The following PUDP variants were observed in gnomAD, a reference collection of about 807,000 sequenced individuals.
PUDP encodes the protein pseudouridine-5'-phosphatase.
A neutral mutation model predicts 9.4 loss-of-function variants in PUDP; 8 were observed. The ratio of observed to expected loss-of-function variants is 0.85; its 90% CI spans 0.50 to 1.53. The LOEUF (loss-of-function observed/expected upper bound fraction) is 1.53, where lower values mean the gene tolerates loss of function less well. Among genes scored for constraint, PUDP ranks in the 40% most tolerant of loss-of-function variants. The probability of loss-of-function intolerance (pLI) is 0.00; values close to 1 mark genes in which losing one functional copy is unlikely to be tolerated. For synonymous variants in PUDP, 99 were observed against 80.7 expected (o/e 1.23, Z -1.22); for missense variants, 188 against 189.7 (o/e 0.99, Z 0.05).
At chrX:6,707,819 T>C (rs1001210625) in intron 1 of PUDP, among the ~76,000 whole-genome samples, 1 of 112,140 alleles carries the variant, frequency 8.9e-6, no homozygotes, top group Non-Finnish European at 1.9e-5. Context: ...ACAGGATGGA[T>C]TGCAACAGAG....
intron 3 of PUDP, among the ~76,000 whole-genome samples, chrX:6,885,238 C>T (rs1927404840): frequency 8.9e-6 from 1 of 111,862 alleles, no homozygotes; most frequent in Admixed American, 9.5e-5. Context: ...AGGTGCTGGG[C>T]AGCTGCTGTC....
At chrX:6,925,435 T>A (rs1313613469) in intron 3 of PUDP, among the ~76,000 whole-genome samples, 1 of 111,926 alleles carries the variant, frequency 8.9e-6, no homozygotes, top group Non-Finnish European at 1.9e-5. Flanking sequence ...GTGACAGGGT[T>A]TGGTTTTTGA....
chrX:6,751,667 G>A (rs6639662), intron 3 of PUDP, among the ~76,000 whole-genome samples: 43,828 of 110,394 alleles, frequency 0.4, 7,815 homozygotes, highest in African/African-American at 0.7. Context: ...TTTAAGAGAC[G>A]TCAGAAATAT....
chrX:6,761,133 T>C (rs776696941), intron 3 of PUDP, among the ~76,000 whole-genome samples: 61 of 112,214 alleles, frequency 5.4e-4, no homozygotes, highest in Non-Finnish European at 9.6e-4. Flanking sequence ...TTCAATGAGA[T>C]AGGGCATGTC....
At chrX:6,909,711 T>G (rs1173894046) in intron 3 of PUDP, among the ~76,000 whole-genome samples, 1 of 111,730 alleles carries the variant, frequency 9.0e-6, no homozygotes, top group African/African-American at 3.3e-5. Flanking sequence ...ATCCTCTGCC[T>G]TTGCATAGGA....
chrX:6,867,452 T>A (rs1927104318), intron 3 of PUDP, among the ~76,000 whole-genome samples: 1 of 110,349 alleles, frequency 9.1e-6, no homozygotes, highest in South Asian at 3.9e-4. Context: ...ATGGCAGTGA[T>A]AGTAGTGATA....
At chrX:7,082,270 C>T (rs1405723325) in intron 2 of PUDP, among the ~76,000 whole-genome samples, 3 of 112,154 alleles carry the variant, frequency 2.7e-5, no homozygotes, top group Non-Finnish European at 3.8e-5. Context: ...ATCCTAGAGA[C>T]CCAAGGTGGG....
At chrX:7,093,099 T>C (rs1298306232) in intron 2 of PUDP, among the ~76,000 whole-genome samples, 1 of 112,346 alleles carries the variant, frequency 8.9e-6, no homozygotes, top group African/African-American at 3.2e-5. Context: ...CCACCATCCA[T>C]GTCCAGAACG....
intron 3 of PUDP, among the ~76,000 whole-genome samples, chrX:6,959,454 C>A (rs1476067533): frequency 8.9e-6 from 1 of 112,110 alleles, no homozygotes; most frequent in East Asian, 2.8e-4. Context: ...TTGGTGGTGT[C>A]CACGTGGTGC....
At chrX:6,720,258 G>GTATATATATA (rs543397118) in intron 1 of PUDP, among the ~76,000 whole-genome samples, 791 of 48,676 alleles carry the variant, frequency 0.016, 15 homozygotes, top group African/African-American at 0.042. Flanking sequence ...GTGTGTGTGT[G>GTATATATATA]TATATATATA....
chrX:6,895,312 G>A (rs1004017268), intron 3 of PUDP, among the ~76,000 whole-genome samples: 1 of 104,356 alleles, frequency 9.6e-6, no homozygotes, highest in African/African-American at 3.4e-5. Flanking sequence ...ACATTTATTG[G>A]ACATAATTAT....
chrX:6,939,377 A>G (rs1458202054), intron 3 of PUDP, among the ~76,000 whole-genome samples: 2 of 106,672 alleles, frequency 1.9e-5, no homozygotes, highest in East Asian at 5.6e-4. Context: ...TATTAATATT[A>G]TTAATATATA....
intron 2 of PUDP, among the ~76,000 whole-genome samples, chrX:7,090,528 CCTT>C (rs1194320864): frequency 8.9e-6 from 1 of 111,742 alleles, no homozygotes; most frequent in Non-Finnish European, 1.9e-5. Flanking sequence ...CTTAAAATCT[CCTT>C]ATTAAATTGC....
At chrX:6,774,251 C>A (rs1925413738) in intron 3 of PUDP, among the ~76,000 whole-genome samples, 1 of 112,212 alleles carries the variant, frequency 8.9e-6, no homozygotes, top group Non-Finnish European at 1.9e-5. Flanking sequence ...AACATTGCTT[C>A]TTCAATAAAG....
At chrX:6,752,598 G>C in intron 3 of PUDP, among the ~76,000 whole-genome samples, 1 of 111,756 alleles carries the variant, frequency 8.9e-6, no homozygotes, top group Non-Finnish European at 1.9e-5. Flanking sequence ...GGCTGTGGCA[G>C]TACAGGAAGG....
intron 1 of PUDP, among the ~76,000 whole-genome samples, chrX:6,990,625 C>T (rs886841331): frequency 1.8e-5 from 2 of 112,242 alleles, no homozygotes; most frequent in African/African-American, 6.5e-5. Context: ...GAGAAGCTGT[C>T]CAGGCTGCAG....
At chrX:6,832,777 G>A (rs193080951) in intron 3 of PUDP, among the ~76,000 whole-genome samples, 17 of 112,158 alleles carry the variant, frequency 1.5e-4, no homozygotes, top group Admixed American at 3.8e-4. Context: ...CTGCCTTGGG[G>A]CAAAATGCTT....
intron 3 of PUDP, among the ~76,000 whole-genome samples, chrX:6,887,162 T>G (rs940335029): frequency 2.9e-5 from 3 of 101,781 alleles, no homozygotes; most frequent in African/African-American, 1.0e-4. Context: ...TAATTTAATT[T>G]ATTTATAATT....
chrX:6,855,905 G>A (rs745698132), intron 3 of PUDP, among the ~76,000 whole-genome samples: 6 of 111,184 alleles, frequency 5.4e-5, no homozygotes, highest in South Asian at 3.9e-4. Flanking sequence ...AGTGCAGGCC[G>A]TGGAAATGAT....
Sources: allele counts gnomAD v4.1 joint callset (sites outside exome capture counted in the v4.1 genomes callset), GRCh38; gene constraint gnomAD v4.1.1; transcripts MANE v1.5; gene names NCBI Gene and HGNC (gene_info 2026-07-23, HGNC 2026-07-21).